The following GRID2 variants were observed in gnomAD, a reference collection of about 807,000 sequenced individuals.
The protein encoded by GRID2 is glutamate ionotropic receptor delta type subunit 2.
Under a neutral mutation model 114.8 loss-of-function variants are expected in GRID2, and 33 were observed. That is an observed-to-expected ratio of 0.29 (90% CI 0.22 to 0.38). GRID2 has a LOEUF of 0.38. Ranked by LOEUF, GRID2 falls within the 10% of genes least tolerant of loss-of-function variation. GRID2 has a pLI of 1.00. For missense variants in GRID2, 1,184 were observed against 1,257.7 expected, an observed-to-expected ratio of 0.94 and a Z score of 0.89; for synonymous variants, 505 against 449.9, an observed-to-expected ratio of 1.12 and a Z score of -1.55.
At chr4:93,726,319 G>T (rs1458446723) in intron 14 of GRID2, among the ~76,000 whole-genome samples, 4 of 152,076 alleles carry the variant, frequency 2.6e-5, no homozygotes, top group Non-Finnish European at 4.4e-5. Context: ...ATTTCTGAGG[G>T]CTCTGTTCTG....
intron 8 of GRID2, among the ~76,000 whole-genome samples, chr4:93,326,839 C>T (rs1757887250): frequency 6.6e-6 from 1 of 152,082 alleles, no homozygotes; most frequent in Admixed American, 6.6e-5. Flanking sequence ...TCTGAAATCC[C>T]TTTATGTTTC....
At chr4:93,474,819 T>C (rs535526760) in intron 11 of GRID2, among the ~76,000 whole-genome samples, 2 of 152,246 alleles carry the variant, frequency 1.3e-5, no homozygotes, top group African/African-American at 4.8e-5. Flanking sequence ...ATATTGCTTT[T>C]CTAGTCATAC....
chr4:93,617,178 A>G (rs958057082), intron 13 of GRID2, among the ~76,000 whole-genome samples: 2 of 152,196 alleles, frequency 1.3e-5, no homozygotes, highest in Non-Finnish European at 2.9e-5. Context: ...CACGTCTGTT[A>G]GCAAAATTTT....
intron 4 of GRID2, among the ~76,000 whole-genome samples, chr4:93,179,929 GTGTATT>G (rs1739723792): frequency 6.6e-6 from 1 of 152,094 alleles, no homozygotes; most frequent in African/African-American, 2.4e-5. Context: ...CTCTGCTCTA[GTGTATT>G]TAAAGAAAGA....
intron 8 of GRID2, among the ~76,000 whole-genome samples, chr4:93,291,519 C>T (rs906678213): frequency 6.6e-6 from 1 of 150,876 alleles, no homozygotes; most frequent in Non-Finnish European, 1.5e-5. Context: ...AAACTAGGTT[C>T]AAAAAGTGAA....
chr4:93,047,389 G>C (rs1286141096), intron 2 of GRID2, among the ~76,000 whole-genome samples: 2 of 152,074 alleles, frequency 1.3e-5, no homozygotes, highest in Non-Finnish European at 2.9e-5. Flanking sequence ...ACTGATATAA[G>C]ATGTTAATAA....
At chr4:93,445,856 C>A (rs952162109) in intron 10 of GRID2, among the ~76,000 whole-genome samples, 1 of 151,846 alleles carries the variant, frequency 6.6e-6, no homozygotes, top group African/African-American at 2.4e-5. Flanking sequence ...AAAACATAAG[C>A]ATCTACCTTT....
chr4:93,117,173 T>G lies in GRID2; in HGVS notation c.735+6220T>G, dbSNP rs184385251. Among the ~76,000 whole-genome samples, 68 of 152,260 alleles carry G rather than the reference T, an allele frequency of 4.5e-4. 1 individual carries two copies. The East Asian group carries it at 7.9e-3, about 18-fold the overall frequency. On this transcript the variant is annotated intron_variant, in intron 4 of 15. Coordinates refer to ENST00000282020, the MANE Select transcript of GRID2 (RefSeq NM_001510.4). ...ATAATGGTAATTTGATCATTTAGATTGAGTAGATAGAAGATGGATATGGTT... is the reference window on the plus strand; with the variant it reads ...ATAATGGTAATTTGATCATTTAGATGGAGTAGATAGAAGATGGATATGGTT...
chr4:93,026,687 T>A (rs1723912643), intron 2 of GRID2, among the ~76,000 whole-genome samples: 1 of 151,966 alleles, frequency 6.6e-6, no homozygotes, highest in South Asian at 2.1e-4. Flanking sequence ...CCTTGAAAAT[T>A]TTCTTTTAGC....
intron 1 of GRID2, among the ~76,000 whole-genome samples, chr4:92,568,038 G>T (rs942021877): frequency 2.6e-5 from 4 of 151,998 alleles, no homozygotes; most frequent in African/African-American, 9.7e-5. Context: ...TGAAGGCAGA[G>T]GCTGCAGTTT....
At chr4:93,018,201 A>C (rs1049229643) in intron 2 of GRID2, among the ~76,000 whole-genome samples, 21 of 142,552 alleles carry the variant, frequency 1.5e-4, no homozygotes, top group African/African-American at 5.8e-4. Context: ...TTTTAATTTT[A>C]AGTTCCCAGT....
chr4:92,756,819 G>A (rs1250233565), intron 2 of GRID2, among the ~76,000 whole-genome samples: 1 of 151,794 alleles, frequency 6.6e-6, no homozygotes, highest in Non-Finnish European at 1.5e-5. Context: ...GTTTTTTTAT[G>A]TTGAGTTGTT....
intron 14 of GRID2, among the ~76,000 whole-genome samples, chr4:93,628,230 A>T (rs1419904608): frequency 6.6e-6 from 1 of 152,168 alleles, no homozygotes; most frequent in Admixed American, 6.5e-5. Context: ...TACAAAAATC[A>T]ATTATGCCAT....
chr4:92,902,682 G>C (rs1489240492), intron 2 of GRID2, among the ~76,000 whole-genome samples: 1 of 151,942 alleles, frequency 6.6e-6, no homozygotes, highest in Non-Finnish European at 1.5e-5. Context: ...GTGAGATGTA[G>C]GGGTCCAGTT....
At chr4:93,075,681 A>C (rs1398233955) in intron 2 of GRID2, among the ~76,000 whole-genome samples, 1 of 152,074 alleles carries the variant, frequency 6.6e-6, no homozygotes, top group East Asian at 1.9e-4. Context: ...GAAATTTGGA[A>C]ATTAAAATAA....
chr4:93,570,858 AT>A (rs1411639763), intron 13 of GRID2, among the ~76,000 whole-genome samples: 1 of 152,154 alleles, frequency 6.6e-6, no homozygotes, highest in African/African-American at 2.4e-5. Context: ...CATCAGGTAA[AT>A]TGGCCCTGAA....
rs571970306 is a variant in GRID2, at chr4:92,902,632, C to T, written c.245-182363C>T. On this transcript the variant is annotated intron_variant, in intron 2 of 15. Coordinates refer to ENST00000282020, the MANE Select transcript of GRID2 (RefSeq NM_001510.4). The stretch of plus-strand genomic sequence containing the variant: ...AGTATTTTTATAGTTACAGGTCTTA[C>T]ATTTAAGTCTTTAATCCATCTTGAG... 3.3e-5 allele frequency among the ~76,000 whole-genome samples: 5 copies of T among 152,152 alleles called. No homozygotes were observed. In the South Asian group the frequency reaches 1.0e-3, roughly 32 times the overall value.
intron 8 of GRID2, among the ~76,000 whole-genome samples, chr4:93,277,200 A>C (rs1752148301): frequency 6.6e-6 from 1 of 151,978 alleles, no homozygotes; most frequent in African/African-American, 2.4e-5. Flanking sequence ...TGCTTAACTC[A>C]GAATTTTAAT....
intron 2 of GRID2, among the ~76,000 whole-genome samples, chr4:92,726,562 T>A (rs1736078565): frequency 6.6e-6 from 1 of 152,114 alleles, no homozygotes. Flanking sequence ...GATGAAATAT[T>A]TGAAAATTAT....
Sources: gnomAD v4.1 joint callset for allele counts (sites outside exome capture counted in the v4.1 genomes callset) on GRCh38, gnomAD v4.1.1 for gene constraint, MANE v1.5 for transcripts, NCBI Gene and HGNC (gene_info 2026-07-23, HGNC 2026-07-21) for gene names.